The following LAMA2 variants were observed in gnomAD, a reference collection of about 807,000 sequenced individuals.
The protein encoded by LAMA2 is laminin subunit alpha-2.
LAMA2 carries 269 observed loss-of-function variants against 364.8 expected under a neutral mutation model. That is an observed-to-expected ratio of 0.74 (90% CI 0.67 to 0.82). The LOEUF (loss-of-function observed/expected upper bound fraction) is 0.82, where lower values mean the gene tolerates loss of function less well. LAMA2 is among the 40% of genes least tolerant of loss of function. The pLI, the probability that LAMA2 is intolerant of heterozygous loss-of-function variation, is 0.00. For missense variants in LAMA2, 3,807 were observed against 3,873.2 expected (o/e 0.98, Z 0.45); for synonymous variants, 1,379 against 1,370.6 (o/e 1.01, Z -0.14).
At chr6:128,964,060 C>G (rs1350523261) in intron 1 of LAMA2, among the ~76,000 whole-genome samples, 1 of 152,016 alleles carries the variant, frequency 6.6e-6, no homozygotes, top group African/African-American at 2.4e-5. Context: ...GAAAAAAACA[C>G]AGTCTTTTTC....
chr6:129,515,196 A>T (rs998262282), intron 64 of LAMA2, among the ~76,000 whole-genome samples: 3 of 152,224 alleles, frequency 2.0e-5, no homozygotes, highest in African/African-American at 7.2e-5. Flanking sequence ...GTGCCTCTTA[A>T]TAAGTACTGT....
intron 40 of LAMA2, among the ~76,000 whole-genome samples, chr6:129,407,949 C>A (rs539453247): frequency 1.9e-4 from 29 of 152,300 alleles, no homozygotes; most frequent in African/African-American, 6.5e-4. Context: ...ACTGAAACCC[C>A]CTTCTTAGCC....
At chr6:129,396,159 G>A (rs907072082) in intron 37 of LAMA2, among the ~76,000 whole-genome samples, 4 of 152,152 alleles carry the variant, frequency 2.6e-5, no homozygotes, top group African/African-American at 9.7e-5. Context: ...AGAAAAGTAG[G>A]CTGGGATAAT....
intron 32 of LAMA2, among the ~76,000 whole-genome samples, chr6:129,365,647 G>A (rs2114618378): frequency 6.6e-6 from 1 of 150,856 alleles, no homozygotes; most frequent in African/African-American, 2.4e-5. Flanking sequence ...ACAGGCATGA[G>A]CCACCACACC....
intron 32 of LAMA2, among the ~76,000 whole-genome samples, chr6:129,362,332 GT>G (rs1309593971): frequency 6.6e-6 from 1 of 152,092 alleles, no homozygotes; most frequent in African/African-American, 2.4e-5. Flanking sequence ...GTATTCTCCT[GT>G]TCCTCACACA....
chr6:128,908,226 G>C (rs1777633372), intron 1 of LAMA2, among the ~76,000 whole-genome samples: 1 of 149,814 alleles, frequency 6.7e-6, no homozygotes, highest in East Asian at 2.0e-4. Flanking sequence ...GTTCCTCCTT[G>C]TACCTCTGGT....
At chr6:129,203,868 G>C (rs1487629278) in intron 12 of LAMA2, among the ~76,000 whole-genome samples, 1 of 152,128 alleles carries the variant, frequency 6.6e-6, no homozygotes, top group Non-Finnish European at 1.5e-5. Context: ...GCAAAATGAG[G>C]CTTCTAGCAC....
At chr6:129,127,884 A>G (rs1216467936) in intron 4 of LAMA2, among the ~76,000 whole-genome samples, 1 of 151,656 alleles carries the variant, frequency 6.6e-6, no homozygotes, top group Non-Finnish European at 1.5e-5. Context: ...GGAACTCTTT[A>G]TATATTTGTG....
At chr6:128,919,536 CTTA>C (rs1333944034) in intron 1 of LAMA2, among the ~76,000 whole-genome samples, 3 of 152,142 alleles carry the variant, frequency 2.0e-5, no homozygotes, top group Admixed American at 6.5e-5. Context: ...TATGGTTCAA[CTTA>C]TTATTACTTC....
chr6:129,210,322 C>G lies in LAMA2; in HGVS notation c.1782+17469C>G, dbSNP rs141245846. Among the ~76,000 whole-genome samples, 643 of 152,138 alleles carry G rather than the reference C, an allele frequency of 4.2e-3. 8 individuals carry two copies. The highest frequency in any genetic ancestry group is 0.013 in the African/African-American group (539 of 41,496). On this transcript the variant is annotated intron_variant, in intron 12 of 64. Transcript: ENST00000421865. ...CCTGTACAAGGGAACCCTAAAATAA[C>G]CTCGTTAGCCACCACCAAAGACTAT...
intron 20 of LAMA2, among the ~76,000 whole-genome samples, chr6:129,295,927 AT>A (rs1466526732): frequency 6.6e-6 from 1 of 151,842 alleles, no homozygotes; most frequent in African/African-American, 2.4e-5. Flanking sequence ...CCGTTTTAAT[AT>A]ATTATGTTTA....
At chr6:129,220,452 A>G (rs2326761) in intron 12 of LAMA2, among the ~76,000 whole-genome samples, 20,499 of 152,256 alleles carry the variant, frequency 0.13, 1,867 homozygotes, top group Non-Finnish European at 0.21. Flanking sequence ...TTTATTATAC[A>G]GAAACCATTT....
At chr6:129,426,655 C>A (rs1781341454) in intron 40 of LAMA2, among the ~76,000 whole-genome samples, 2 of 151,984 alleles carry the variant, frequency 1.3e-5, no homozygotes, top group Admixed American at 1.3e-4. Flanking sequence ...TAGATGTTTC[C>A]AATATATCTT....
intron 51 of LAMA2, among the ~76,000 whole-genome samples, chr6:129,469,311 T>G (rs1244710561): frequency 6.6e-6 from 1 of 151,914 alleles, no homozygotes; most frequent in Non-Finnish European, 1.5e-5. Context: ...GATTCAATAA[T>G]AGTCTAGGCA....
intron 11 of LAMA2, among the ~76,000 whole-genome samples, chr6:129,191,296 C>G (rs1041790262): frequency 5.9e-5 from 9 of 152,170 alleles, no homozygotes; most frequent in Non-Finnish European, 2.9e-5. Context: ...TAATCCTGAA[C>G]AGAGCTATAA....
chr6:129,244,237 A>G (rs1374084910), intron 12 of LAMA2, among the ~76,000 whole-genome samples: 1 of 152,140 alleles, frequency 6.6e-6, no homozygotes, highest in Non-Finnish European at 1.5e-5. Context: ...GCTTTTAAAG[A>G]AGAGAAATCT....
chr6:129,056,907 T>A (rs1170017845), intron 2 of LAMA2, among the ~76,000 whole-genome samples: 2 of 151,632 alleles, frequency 1.3e-5, no homozygotes, highest in African/African-American at 4.8e-5. Context: ...ATTTTTTTTT[T>A]TTTTTCATAG....
intron 3 of LAMA2, among the ~76,000 whole-genome samples, chr6:129,087,033 A>G (rs2114849913): frequency 6.6e-6 from 1 of 152,154 alleles, no homozygotes; most frequent in Non-Finnish European, 1.5e-5. Flanking sequence ...ACTTTTCAGG[A>G]CCCTTATGAT....
At position 129,133,882 on chromosome 6, in the gene LAMA2, A is replaced by G. The variant is rs552015061; in HGVS notation, c.640-10019A>G. On this transcript the variant is annotated intron_variant, in intron 4 of 64. Coordinates refer to ENST00000421865, the MANE Select transcript of LAMA2 (RefSeq NM_000426.4). ...GAGACAATTCAACACACACACACAC[A>G]CGCGCACACACAATTCAACTTTTCT... 4.3e-3 allele frequency among the ~76,000 whole-genome samples: 661 copies of G among 152,132 alleles called. 7 individuals are homozygous for G. The highest frequency in any genetic ancestry group is 0.013 in the African/African-American group (551 of 41,500).
Sources: allele counts gnomAD v4.1 joint callset (sites outside exome capture counted in the v4.1 genomes callset), GRCh38; gene constraint gnomAD v4.1.1; transcripts MANE v1.5; gene names NCBI Gene and HGNC (gene_info 2026-07-23, HGNC 2026-07-21).